The following SLC38A9 variants were observed in gnomAD, a reference collection of about 807,000 sequenced individuals.
SLC38A9 encodes solute carrier family 38 member 9, also known as neutral amino acid transporter 9.
SLC38A9 carries 48 observed loss-of-function variants against 62.3 expected under a neutral mutation model. That is an observed-to-expected ratio of 0.77 (90% CI 0.61 to 0.98). The LOEUF (loss-of-function observed/expected upper bound fraction) is 0.98. Among genes scored for constraint, SLC38A9 ranks in the 50% least tolerant of loss-of-function variants. The pLI is 0.00. For synonymous variants in SLC38A9, 204 were observed against 227.7 expected (o/e 0.90, Z 0.94); for missense variants, 541 against 679.8 (o/e 0.80, Z 2.27).
At chr5:55,638,369 C>T (rs1022687294) in intron 12 of SLC38A9, among the ~76,000 whole-genome samples, 6 of 152,134 alleles carry the variant, frequency 3.9e-5, no homozygotes, top group Middle Eastern at 3.4e-3. Flanking sequence ...ATTTAGAAAA[C>T]GAGGCTCAAA....
chr5:55,669,971 T>TTTTTTTTC (rs2150342137), intron 4 of SLC38A9, 92 bp from the exon 5 acceptor site: 1 of 1,226,078 alleles, frequency 8.2e-7, no homozygotes, highest in Admixed American at 2.5e-5. Context: ...CTAGACACCT[T>TTTTTTTTC]TTTTTTTCTT....
chr5:55,683,980 T>C (rs1048410663), intron 3 of SLC38A9, among the ~76,000 whole-genome samples: 1 of 152,248 alleles, frequency 6.6e-6, no homozygotes. Flanking sequence ...TCTAGTACTA[T>C]ATGAGCATTC....
At chr5:55,674,651 A>T (rs1378014384) in intron 3 of SLC38A9, among the ~76,000 whole-genome samples, 1 of 152,248 alleles carries the variant, frequency 6.6e-6, no homozygotes, top group Non-Finnish European at 1.5e-5. Context: ...AAAATTACCC[A>T]GTCTCAGGTA....
rs761134371 is a variant in SLC38A9 at position 55,697,937 on chromosome 5, A to G, written c.22T>C (p.Ser8Pro). 6.3e-7 allele frequency: 1 copy of G among 1,599,030 alleles called. No individual in the cohort carries two copies. The highest frequency in any genetic ancestry group is 8.5e-7 in the Non-Finnish European group (1 of 1,173,338). Reference protein sequence around the residue: MANMNSDSRHLGTSEVDH... With the variant: MANMNSDPRHLGTSEVDH... Reference sequence around the variant, plus strand: ...ACCTCAGAGGTGCCAAGATGCCTAGAATCACTATTCATATTTGCCATTTTT... The same window carrying G: ...ACCTCAGAGGTGCCAAGATGCCTAGGATCACTATTCATATTTGCCATTTTT... Residue 8 changes from serine (S) to proline (P), a missense_variant, in exon 3 of 16, where the codon TCT becomes CCT. Ser to Pro is a moderately conservative substitution (Grantham distance 74). Coordinates refer to ENST00000396865, the MANE Select transcript of SLC38A9 (RefSeq NM_173514.4).
intron 4 of SLC38A9, 114 bp from the exon 5 acceptor site, chr5:55,669,993 C>T: frequency 1.0e-6 from 1 of 977,980 alleles, no homozygotes; most frequent in Non-Finnish European, 1.4e-6. Flanking sequence ...TGAACGGAGT[C>T]TCGCCCTGTC....
chr5:55,639,272 T>TTAAAAAAAAAAAAAAAAA (rs1391586466), intron 12 of SLC38A9, among the ~76,000 whole-genome samples: 6 of 54,650 alleles, frequency 1.1e-4, no homozygotes, highest in African/African-American at 4.1e-4. Context: ...AAACTCTGTC[T>TTAAAAAAAAAAAAAAAAA]AAAAAAAAAA....
chr5:55,706,756 T>C (rs11747495), intron 2 of SLC38A9, among the ~76,000 whole-genome samples: 97,961 of 151,982 alleles, frequency 0.64, 31,908 homozygotes, highest in South Asian at 0.73. Context: ...ATTAGTCAAT[T>C]AGCATGATGT....
At chr5:55,691,169 G>T in intron 3 of SLC38A9, 1 of 788,056 alleles carries the variant, frequency 1.3e-6, no homozygotes, top group Non-Finnish European at 2.2e-6. Flanking sequence ...TGAAACTTTT[G>T]GTTAGGACTT....
At position 55,669,338 on chromosome 5, in the gene SLC38A9, G is replaced by A. The variant is rs780570764; in HGVS notation, c.433-17C>T. 6.3e-7 allele frequency: 1 copy of A among 1,576,194 alleles called. No homozygotes were observed. The highest frequency in any genetic ancestry group is 1.1e-5 in the South Asian group (1 of 89,000). On this transcript the variant is annotated splice_polypyrimidine_tract_variant and intron_variant, in intron 6 of 15. Transcript: ENST00000396865. ...AAATCCAGCCTGTTTAAAAATAAAAGTATAAAACAGCATATATCATCATGT... is the reference window on the plus strand; with the variant it reads ...AAATCCAGCCTGTTTAAAAATAAAAATATAAAACAGCATATATCATCATGT...
chr5:55,669,628 C>A lies in SLC38A9; in HGVS notation c.369-8G>T. The A allele has an allele frequency of 6.2e-7, 1 of 1,607,082 alleles. No individual in the cohort carries two copies. The highest frequency in any genetic ancestry group is 8.5e-7 in the Non-Finnish European group (1 of 1,175,486). On this transcript the variant is annotated splice_region_variant and splice_polypyrimidine_tract_variant and intron_variant, in intron 5 of 15. Transcript: ENST00000396865. ...GTATTCCAAATCATAAAACTGAAAA[C>A]ACAGAGTAATAGCAGTAAAAAAATG...
chr5:55,700,264 C>T (rs1456813601), intron 2 of SLC38A9, among the ~76,000 whole-genome samples: 1 of 150,974 alleles, frequency 6.6e-6, no homozygotes, highest in Non-Finnish European at 1.5e-5. Context: ...TCACTTGAAC[C>T]AGGGAGGCAG....
chr5:55,693,392 T>G (rs999553046), intron 3 of SLC38A9: 2 of 152,154 alleles, frequency 1.3e-5, no homozygotes, highest in African/African-American at 4.8e-5. Context: ...GAAAAAATAT[T>G]CCATTGTATA....
chr5:55,628,933 C>T (rs990806959), intron 14 of SLC38A9, among the ~76,000 whole-genome samples: 1 of 152,108 alleles, frequency 6.6e-6, no homozygotes, highest in Non-Finnish European at 1.5e-5. Flanking sequence ...CCCAAGTCAT[C>T]AGAGGTTAAT....
chr5:55,641,575 C>G (rs1580119775), intron 12 of SLC38A9, among the ~76,000 whole-genome samples: 1 of 152,312 alleles, frequency 6.6e-6, no homozygotes, highest in East Asian at 1.9e-4. Flanking sequence ...TTATAACTCT[C>G]TATATAGAGT....
chr5:55,686,035 C>T (rs922141647), intron 3 of SLC38A9, among the ~76,000 whole-genome samples: 2 of 152,124 alleles, frequency 1.3e-5, no homozygotes, highest in Non-Finnish European at 2.9e-5. Context: ...ATTGATGGGC[C>T]TTTTGGTTGA....
chr5:55,677,849 A>G (rs1001555592), intron 3 of SLC38A9, among the ~76,000 whole-genome samples: 3 of 148,926 alleles, frequency 2.0e-5, no homozygotes, highest in African/African-American at 7.5e-5. Context: ...CTGTCTATCA[A>G]CTCTTCTCCT....
chr5:55,656,289 T>C (rs1397939447), intron 9 of SLC38A9, among the ~76,000 whole-genome samples: 1 of 151,836 alleles, frequency 6.6e-6, no homozygotes, highest in Non-Finnish European at 1.5e-5. Flanking sequence ...AGAAAATGAA[T>C]TCTTTTACAG....
chr5:55,691,916 C>T (rs1754805254), intron 3 of SLC38A9, among the ~76,000 whole-genome samples: 1 of 152,118 alleles, frequency 6.6e-6, no homozygotes, highest in African/African-American at 2.4e-5. Context: ...TTAGTTAGAC[C>T]CCAGTTCCAC....
chr5:55,677,284 A>G (rs1437198142), intron 3 of SLC38A9, among the ~76,000 whole-genome samples: 1 of 152,204 alleles, frequency 6.6e-6, no homozygotes, highest in African/African-American at 2.4e-5. Flanking sequence ...TAAAACATAA[A>G]CATTAAAAAA....
Sources: gnomAD v4.1 joint callset for allele counts (sites outside exome capture counted in the v4.1 genomes callset) on GRCh38, gnomAD v4.1.1 for gene constraint, MANE v1.5 for transcripts, NCBI Gene and HGNC (gene_info 2026-07-23, HGNC 2026-07-21) for gene names.